Variants in MTBP observed in about 807,000 individuals in gnomAD.
The protein encoded by MTBP is mdm2-binding protein.
MTBP carries 101 observed loss-of-function variants against 117.0 expected under a neutral mutation model. That is an observed-to-expected ratio of 0.86 (90% CI 0.73 to 1.02). The LOEUF is 1.02. Ranked by LOEUF, MTBP falls within the 50% of genes least tolerant of loss-of-function variation. MTBP has a pLI of 0.00. For missense variants in MTBP, 970 were observed against 1,030.9 expected, an observed-to-expected ratio of 0.94 and a Z score of 0.81; for synonymous variants, 350 against 351.5, an observed-to-expected ratio of 1.00 and a Z score of 0.05.
At chr8:120,469,033 GTTTA>G (rs1813759880) in intron 10 of MTBP, among the ~76,000 whole-genome samples, 1 of 151,742 alleles carries the variant, frequency 6.6e-6, no homozygotes, top group Non-Finnish European at 1.5e-5. Flanking sequence ...GCTTTTGGGG[GTTTA>G]TTTATTTATT....
At chr8:120,445,677 C>A (rs1447309619) in intron 1 of MTBP, 89 bp downstream of exon 1, 6 of 1,048,490 alleles carry the variant, frequency 5.7e-6, no homozygotes, top group Middle Eastern at 2.1e-4. Flanking sequence ...GAAGAGGGAT[C>A]AATATGTAGT....
chr8:120,514,615 A>G (rs750517825), intron 17 of MTBP, among the ~76,000 whole-genome samples: 1 of 152,076 alleles, frequency 6.6e-6, no homozygotes, highest in Non-Finnish European at 1.5e-5. Context: ...CAAAATGGTT[A>G]AAGTCAGGCT....
At chr8:120,504,220 G>A (rs1814647676) in intron 15 of MTBP, among the ~76,000 whole-genome samples, 1 of 152,100 alleles carries the variant, frequency 6.6e-6, no homozygotes, top group Non-Finnish European at 1.5e-5. Flanking sequence ...GTGAGAAAAG[G>A]ACAGGTTCCC....
intron 11 of MTBP, among the ~76,000 whole-genome samples, chr8:120,475,459 A>G (rs887432851): frequency 3.0e-4 from 46 of 151,946 alleles, no homozygotes; most frequent in African/African-American, 1.1e-3. Flanking sequence ...TTGTGCTCCA[A>G]TTTTTATCAG....
At chr8:120,465,127 T>G (rs1813660387) in intron 10 of MTBP, among the ~76,000 whole-genome samples, 1 of 152,166 alleles carries the variant, frequency 6.6e-6, no homozygotes, top group Admixed American at 6.5e-5. Flanking sequence ...ATACCCTGCT[T>G]CTATTTTAAT....
intron 13 of MTBP, among the ~76,000 whole-genome samples, chr8:120,491,343 A>G (rs7016084): frequency 0.21 from 31,536 of 152,020 alleles, 3,429 homozygotes; most frequent in Middle Eastern, 0.27. Flanking sequence ...TAGCCTACCT[A>G]TTCAATAGAA....
intron 15 of MTBP, among the ~76,000 whole-genome samples, chr8:120,505,922 A>C (rs1814676769): frequency 1.3e-5 from 2 of 152,104 alleles, no homozygotes; most frequent in Non-Finnish European, 2.9e-5. Flanking sequence ...TAGCTGTATC[A>C]CCCTGCGTCT....
At position 120,463,749 on chromosome 8, in the gene MTBP, T is replaced by C; in HGVS notation, c.1035T>C (p.Ser345=). The C allele has an allele frequency of 6.2e-7, 1 of 1,612,378 alleles. No homozygotes were observed. The highest frequency in any genetic ancestry group is 1.1e-5 in the South Asian group (1 of 90,840). Residue 345 remains serine, a synonymous_variant, in exon 10 of 22, where the codon TCT becomes TCC. Coordinates refer to ENST00000305949, the MANE Select transcript of MTBP (RefSeq NM_022045.5). ...NSVLLLEQIS[S]LCSKVGALFV... ...TGTTGCTGTTGGAGCAGATTTCTTC[T>C]CTGTGTAGCAAGGTATTGAGGGTTT...
intron 11 of MTBP, among the ~76,000 whole-genome samples, chr8:120,482,722 C>A (rs368494751): frequency 6.7e-6 from 1 of 149,424 alleles, no homozygotes; most frequent in South Asian, 2.1e-4. Flanking sequence ...TTTTTTGAGA[C>A]GGAGTCTTGC....
intron 11 of MTBP, among the ~76,000 whole-genome samples, chr8:120,484,853 G>T (rs1341331305): frequency 1.3e-5 from 2 of 151,974 alleles, no homozygotes; most frequent in Non-Finnish European, 2.9e-5. Context: ...AATCTATTTT[G>T]GTCTGTATAG....
rs570830232 is a variant in MTBP at position 120,509,614 on chromosome 8, A to C, written c.1884-320A>C. 1.7e-3 allele frequency among the ~76,000 whole-genome samples: 254 copies of C among 151,974 alleles called. 3 individuals carry two copies. Among genetic ancestry groups the C allele is most frequent in the South Asian group, 0.011 (52 of 4,804 alleles). On this transcript the variant is annotated intron_variant, in intron 16 of 21. Coordinates refer to ENST00000305949, the MANE Select transcript of MTBP (RefSeq NM_022045.5). ...GAGACTCCGTCCCCACCGCCCCCCC[A>C]AAAAAAGAAAGAAATAATACTGCCT... is the stretch of plus-strand genomic sequence containing the variant.
At chr8:120,497,973 G>C (rs1814503899) in intron 14 of MTBP, among the ~76,000 whole-genome samples, 1 of 152,106 alleles carries the variant, frequency 6.6e-6, no homozygotes, top group African/African-American at 2.4e-5. Context: ...ATTCAATAGG[G>C]GAGGAACAGT....
At chr8:120,479,434 G>T (rs1814024009) in intron 11 of MTBP, among the ~76,000 whole-genome samples, 1 of 152,174 alleles carries the variant, frequency 6.6e-6, no homozygotes. Flanking sequence ...ATATTTTTCT[G>T]TGCCTGCTGT....
At chr8:120,497,700 G>C in intron 14 of MTBP, 146 bp downstream of exon 14, 1 of 553,200 alleles carries the variant, frequency 1.8e-6, no homozygotes, top group Non-Finnish European at 3.1e-6. Flanking sequence ...ATACAAGTAT[G>C]TATGTATATG....
chr8:120,457,832 TTGAGGCAGGAGAA>T lies in MTBP; in HGVS notation c.747+1178_747+1190del, dbSNP rs1408279663. 7.4e-4 allele frequency among the ~76,000 whole-genome samples: 113 copies of T among 151,808 alleles called. 1 individual carries two copies. Among genetic ancestry groups the T allele is most frequent in the African/African-American group, 2.3e-3 (94 of 41,434 alleles). ...CCAGCTACTCAAGAGGCTGGGACTC[TTGAGGCAGGAGAA>T]TGAGGCAGGAGAATGGTGTGAACCC... is the stretch of plus-strand genomic sequence containing the variant. On this transcript the variant is annotated intron_variant, in intron 7 of 21. Coordinates refer to ENST00000305949, the MANE Select transcript of MTBP (RefSeq NM_022045.5).
At position 120,461,264 on chromosome 8, in the gene MTBP, T is replaced by G. The variant is rs994738471; in HGVS notation, c.977+9T>G. ...GATATTGAATTTGAGTTGTATCCTTTCATTTACATGTTCATTTTAGATTAC... is the reference window on the plus strand; with the variant it reads ...GATATTGAATTTGAGTTGTATCCTTGCATTTACATGTTCATTTTAGATTAC... On this transcript the variant is annotated intron_variant, in intron 9 of 21. Coordinates refer to ENST00000305949, the MANE Select transcript of MTBP (RefSeq NM_022045.5). 1 of 1,530,960 alleles carries G rather than the reference T, an allele frequency of 6.5e-7. No individual in the cohort carries two copies. Among genetic ancestry groups the G allele is most frequent in the Non-Finnish European group, 9.0e-7 (1 of 1,106,500 alleles). The allele number at this position is 1,530,960 out of a possible 1,614,324, so 94.8% of individuals were successfully genotyped here. A position where few individuals can be genotyped will look rare whatever the true frequency, so the allele number is the denominator to read the frequency against.
In MTBP at chr8:120,488,240, C is replaced by A. The variant is rs1330167446; in HGVS notation, c.1247C>A (p.Thr416Lys). The A allele has an allele frequency of 6.3e-7, 1 of 1,595,392 alleles. No individual in the cohort carries two copies. Among genetic ancestry groups the A allele is most frequent in the East Asian group, 2.3e-5 (1 of 43,442 alleles). The change falls in exon 12 of 22, where the codon ACA becomes AAA. Residue 416 changes from threonine (T) to lysine (K), a missense_variant. Coordinates refer to ENST00000305949, the MANE Select transcript of MTBP (RefSeq NM_022045.5). ...QGNGNRRCKA[T>K]LIHSANQING... ...AATGGCAATAGAAGATGTAAAGCCA[C>A]ATTGATTCACTCAGCCAACCAGATC...
chr8:120,471,255 T>C (rs1202536312), intron 11 of MTBP: 1 of 179,030 alleles, frequency 5.6e-6, no homozygotes, highest in Non-Finnish European at 1.2e-5. Flanking sequence ...ATTTATTATA[T>C]GGTACATAAA....
At chr8:120,478,236 C>T (rs535044646) in intron 11 of MTBP, among the ~76,000 whole-genome samples, 13 of 152,066 alleles carry the variant, frequency 8.5e-5, no homozygotes, top group African/African-American at 2.9e-4. Context: ...GGGAACATCA[C>T]ATACTGGGGC....
Sources: gnomAD v4.1 joint callset for allele counts (sites outside exome capture counted in the v4.1 genomes callset) on GRCh38, gnomAD v4.1.1 for gene constraint, MANE v1.5 for transcripts, NCBI Gene and HGNC (gene_info 2026-07-23, HGNC 2026-07-21) for gene names.